The following MKX variants were observed in gnomAD, a reference collection of about 807,000 sequenced individuals.
MKX encodes the protein homeobox protein Mohawk.
Under a neutral mutation model 36.0 loss-of-function variants are expected in MKX, and 13 were observed. The observed-to-expected ratio is 0.36, with a 90% CI of 0.24 to 0.57. The LOEUF is 0.57. MKX is among the 20% of genes least tolerant of loss of function. The probability of loss-of-function intolerance (pLI) is 0.79; values close to 1 mark genes in which losing one functional copy is unlikely to be tolerated. For synonymous variants in MKX, 176 were observed against 178.3 expected, an observed-to-expected ratio of 0.99 and a Z score of 0.10; for missense variants, 458 against 456.4, an observed-to-expected ratio of 1.00 and a Z score of -0.03.
chr10:27,738,549 C>T (rs536853930), intron 3 of MKX, among the ~76,000 whole-genome samples: 1 of 152,030 alleles, frequency 6.6e-6, no homozygotes, highest in African/African-American at 2.4e-5. Context: ...ATGTTTGGGC[C>T]TCTAAGCTTT....
At chr10:27,699,984 A>G (rs1836623307) in intron 5 of MKX, among the ~76,000 whole-genome samples, 1 of 152,242 alleles carries the variant, frequency 6.6e-6, no homozygotes, top group Non-Finnish European at 1.5e-5. Context: ...GCCTCTGATT[A>G]TACAGAGCAG....
Position 27,691,674 on chromosome 10 carries a change from C to T in MKX, c.839-16120G>A, listed in dbSNP as rs185877981. ...GAAACTCAGTAGTGAGCACAGTACC[C>T]GATAGGCAGCTTTTTAGCTTTTGCT... On this transcript the variant is annotated intron_variant, in intron 5 of 6. Transcript: ENST00000419761. Among the ~76,000 whole-genome samples, 12 of 152,252 alleles carry T rather than the reference C, an allele frequency of 7.9e-5. No individual in the cohort carries two copies. In the East Asian group the frequency reaches 1.3e-3, roughly 17 times the overall value.
rs2132479422 is a variant in MKX, at chr10:27,674,155, A to G, written c.*1074T>C. The stretch of plus-strand genomic sequence containing the variant: ...CACTTCATTTTTACTTTAATGTCCA[A>G]CTTGGCAAAATTCAAACTGTTCAAT... On this transcript the variant is annotated 3_prime_UTR_variant, in exon 7 of 7. Coordinates refer to ENST00000419761, the MANE Select transcript of MKX (RefSeq NM_173576.3). The G allele has an allele frequency of 6.6e-6, 1 of 152,292 alleles. No individual in the cohort carries two copies. The highest frequency in any genetic ancestry group is 1.5e-5 in the Non-Finnish European group (1 of 68,010). The allele number at this position is 152,292 out of a possible 1,614,324, so 9.4% of individuals were successfully genotyped here.
chr10:27,720,320 AG>A (rs1289846711), intron 5 of MKX, among the ~76,000 whole-genome samples: 1 of 151,758 alleles, frequency 6.6e-6, no homozygotes, highest in East Asian at 1.9e-4. Flanking sequence ...GGAGACCATT[AG>A]GAAAAAAAAA....
chr10:27,674,065 T>C lies in MKX; in HGVS notation c.*1164A>G, dbSNP rs912460721. On this transcript the variant is annotated 3_prime_UTR_variant, in exon 7 of 7. Coordinates refer to ENST00000419761, the MANE Select transcript of MKX (RefSeq NM_173576.3). ...AGAAAGATAGTCTTCTTTCTTGATA[T>C]TGATTATTCTCACTCAATGGTAGAC... The C allele has an allele frequency of 1.1e-4, 16 of 152,234 alleles. No homozygotes were observed. The highest frequency in any genetic ancestry group is 4.4e-5 in the Non-Finnish European group (3 of 68,030). 9.4% of individuals were successfully genotyped at this position (152,234 alleles called of 1,614,324 possible). A position where few individuals can be genotyped will look rare whatever the true frequency, so the allele number is the denominator to read the frequency against.
rs762813548 is a variant in MKX, at chr10:27,675,581, A to AT, written c.839-28dup. On this transcript the variant is annotated intron_variant, in intron 5 of 6. Coordinates refer to ENST00000419761, the MANE Select transcript of MKX (RefSeq NM_173576.3). ...TGTAAAGAAAAGCAAAAATTCAATTATTTTTATGTTTTTCCTTTCTTTTCT... is the reference window on the plus strand; with the variant it reads ...TGTAAAGAAAAGCAAAAATTCAATTATTTTTTATGTTTTTCCTTTCTTTTCT... The AT allele has an allele frequency of 2.5e-6, 4 of 1,607,754 alleles. No individual in the cohort carries two copies. The East Asian group carries it at 6.7e-5, about 27-fold the overall frequency.
chr10:27,724,640 A>G (rs1223392170), intron 5 of MKX, among the ~76,000 whole-genome samples: 1 of 152,020 alleles, frequency 6.6e-6, no homozygotes, highest in East Asian at 1.9e-4. Context: ...CTTCCTGGTA[A>G]TAACTTCAAT....
chr10:27,745,113 C>T (rs907787873), intron 1 of MKX, among the ~76,000 whole-genome samples: 2 of 152,164 alleles, frequency 1.3e-5, no homozygotes, highest in African/African-American at 2.4e-5. Context: ...GACACCCTTC[C>T]CCGGCCCGGC....
intron 5 of MKX, among the ~76,000 whole-genome samples, chr10:27,684,523 T>A (rs1003660517): frequency 6.6e-6 from 1 of 152,188 alleles, no homozygotes; most frequent in Non-Finnish European, 1.5e-5. Context: ...ACACATTTTT[T>A]AAAAAGGCAT....
rs189441533 is a variant in MKX, at chr10:27,681,322, G to A, written c.839-5768C>T. Among the ~76,000 whole-genome samples, 172 of 152,194 alleles carry A rather than the reference G, an allele frequency of 1.1e-3. 2 individuals are homozygous for A. Among genetic ancestry groups the A allele is most frequent in the Non-Finnish European group, 6.2e-4 (42 of 67,998 alleles). On this transcript the variant is annotated intron_variant, in intron 5 of 6. Transcript: ENST00000419761. ...AAATTAGCCAGGCGTGGTGGTGCAT[G>A]CCTGTAATCCCAGCTACTCAGGAGG... is the stretch of plus-strand genomic sequence containing the variant.
At chr10:27,717,096 G>A (rs1836979631) in intron 5 of MKX, among the ~76,000 whole-genome samples, 1 of 152,108 alleles carries the variant, frequency 6.6e-6, no homozygotes, top group South Asian at 2.1e-4. Context: ...TCTAGAAATT[G>A]AGAGGCAAGG....
chr10:27,728,690 C>A (rs771463465), intron 5 of MKX, among the ~76,000 whole-genome samples: 1 of 152,180 alleles, frequency 6.6e-6, no homozygotes, highest in Non-Finnish European at 1.5e-5. Context: ...TTGAAGCCCA[C>A]GCAGATCCAA....
intron 5 of MKX, among the ~76,000 whole-genome samples, chr10:27,708,589 C>T (rs888864704): frequency 2.0e-5 from 3 of 151,950 alleles, no homozygotes; most frequent in Non-Finnish European, 4.4e-5. Context: ...ATTAGCTGAG[C>T]GTGGTGGCGT....
At chr10:27,725,281 A>G (rs1834464199) in intron 5 of MKX, among the ~76,000 whole-genome samples, 1 of 152,218 alleles carries the variant, frequency 6.6e-6, no homozygotes, top group South Asian at 2.1e-4. Flanking sequence ...ACAATGAAAC[A>G]GAGAAATTGG....
chr10:27,675,382 G>A lies in MKX; in HGVS notation c.906C>T (p.Asp302=). The part of the protein sequence containing the change: ...AANRKGPSKD[D]TYWKEINAAM... ...CTGCGTTGATCTCCTTCCAATACGT[G>A]TCATCCTTGCTTGGTCCTTTTCTGT... The change falls in exon 7 of 7, where the codon GAC becomes GAT. Residue 302 remains aspartate, a synonymous_variant. Transcript: ENST00000419761. The A allele has an allele frequency of 1.2e-6, 2 of 1,614,132 alleles. No individual in the cohort carries two copies. Among genetic ancestry groups the A allele is most frequent in the Non-Finnish European group, 1.7e-6 (2 of 1,180,042 alleles).
At chr10:27,694,394 C>T (rs1836510845) in intron 5 of MKX, among the ~76,000 whole-genome samples, 1 of 151,666 alleles carries the variant, frequency 6.6e-6, no homozygotes, top group Non-Finnish European at 1.5e-5. Context: ...AAAATTAAAT[C>T]CCCAGGCTGG....
intron 5 of MKX, among the ~76,000 whole-genome samples, chr10:27,689,760 T>G (rs1284209298): frequency 5.9e-5 from 9 of 152,046 alleles, no homozygotes; most frequent in Admixed American, 3.3e-4. Context: ...TGCCCAGGGA[T>G]GTACATCCCA....
At position 27,675,083 on chromosome 10, in the gene MKX, G is replaced by T; in HGVS notation, c.*146C>A. The T allele has an allele frequency of 1.6e-6, 1 of 630,416 alleles. No homozygotes were observed. The allele number at this position is 630,416 out of a possible 1,614,324, so 39.1% of individuals were successfully genotyped here. A position where few individuals can be genotyped will look rare whatever the true frequency, so the allele number is the denominator to read the frequency against. The stretch of plus-strand genomic sequence containing the variant: ...TTTTATAATTTATATGTCTTTTATA[G>T]AAGCAACTAAATGATATATTTGGGA... On this transcript the variant is annotated 3_prime_UTR_variant, in exon 7 of 7. Transcript: ENST00000419761.
intron 5 of MKX, among the ~76,000 whole-genome samples, chr10:27,708,113 A>T (rs1449073274): frequency 3.3e-5 from 5 of 150,816 alleles, no homozygotes; most frequent in African/African-American, 7.3e-5. Flanking sequence ...GATTTAATTT[A>T]AAAAAAACTA....
Sources: allele counts gnomAD v4.1 joint callset (sites outside exome capture counted in the v4.1 genomes callset), GRCh38; gene constraint gnomAD v4.1.1; transcripts MANE v1.5; gene names NCBI Gene and HGNC (gene_info 2026-07-23, HGNC 2026-07-21).